Variants in TTBK2 observed in about 807,000 individuals in gnomAD.
TTBK2 encodes tau tubulin kinase 2, also known as tau-tubulin kinase 2.
In TTBK2, 28 loss-of-function variants were observed where a neutral mutation model predicts 110.8. That is an observed-to-expected ratio of 0.25 (90% CI 0.19 to 0.35). The LOEUF (loss-of-function observed/expected upper bound fraction) is 0.35, where lower values mean the gene tolerates loss of function less well. TTBK2 is among the 10% of genes least tolerant of loss of function. The pLI is 1.00. For missense variants in TTBK2, 1,369 were observed against 1,500.3 expected, an observed-to-expected ratio of 0.91 and a Z score of 1.45; for synonymous variants, 532 against 527.3, an observed-to-expected ratio of 1.01 and a Z score of -0.12.
At chr15:42,896,967 C>T (rs1895691559) in intron 1 of TTBK2, among the ~76,000 whole-genome samples, 1 of 151,930 alleles carries the variant, frequency 6.6e-6, no homozygotes, top group Non-Finnish European at 1.5e-5. Context: ...CAACCTCCAC[C>T]TCCCGAGTTC....
At chr15:42,905,209 A>T (rs943675421) in intron 1 of TTBK2, among the ~76,000 whole-genome samples, 4 of 152,156 alleles carry the variant, frequency 2.6e-5, no homozygotes, top group Non-Finnish European at 4.4e-5. Context: ...ATAGATTCAC[A>T]TATACAAATA....
intron 1 of TTBK2, among the ~76,000 whole-genome samples, chr15:42,905,021 G>T (rs964441161): frequency 6.6e-6 from 1 of 151,830 alleles, no homozygotes; most frequent in Non-Finnish European, 1.5e-5. Flanking sequence ...ACAGAAACAT[G>T]CCACCATGCC....
At chr15:42,905,695 G>A (rs2030348505) in intron 1 of TTBK2, among the ~76,000 whole-genome samples, 1 of 152,010 alleles carries the variant, frequency 6.6e-6, no homozygotes, top group Admixed American at 6.6e-5. Context: ...CTAACTCCAG[G>A]AACTCCTCAC....
intron 6 of TTBK2, among the ~76,000 whole-genome samples, chr15:42,820,350 GGATTAGTTCCATGTA>G (rs1892239306): frequency 6.6e-6 from 1 of 152,164 alleles, no homozygotes; most frequent in East Asian, 1.9e-4. Flanking sequence ...GGACAGGTAA[GGATTAGTTCCATGTA>G]GTAGGAGAGA....
intron 3 of TTBK2, among the ~76,000 whole-genome samples, chr15:42,842,826 C>A (rs147823264): frequency 1.3e-3 from 203 of 151,946 alleles, no homozygotes; most frequent in African/African-American, 4.5e-3. Flanking sequence ...TATAAGCTAG[C>A]AAGAATGGGT....
intron 12 of TTBK2, 21 bp from the exon 13 acceptor site, chr15:42,775,744 T>G: frequency 6.3e-7 from 1 of 1,587,924 alleles, no homozygotes; most frequent in Non-Finnish European, 8.6e-7. Flanking sequence ...TGGAAAGAAG[T>G]TACTCAACTG....
At chr15:42,903,248 T>C (rs2030177731) in intron 1 of TTBK2, among the ~76,000 whole-genome samples, 1 of 152,112 alleles carries the variant, frequency 6.6e-6, no homozygotes, top group African/African-American at 2.4e-5. Flanking sequence ...GAAAGTAGAA[T>C]GATGGTTACC....
chr15:42,844,456 A>C (rs530108536), intron 3 of TTBK2, among the ~76,000 whole-genome samples: 152 of 152,228 alleles, frequency 1.0e-3, no homozygotes, highest in African/African-American at 3.6e-3. Flanking sequence ...CTACTCAGGA[A>C]GCTGCAGTGG....
Position 42,817,091 on chromosome 15 carries a change from C to A in TTBK2, c.544G>T (p.Ala182Ser), listed in dbSNP as rs777468335. The change falls in exon 7 of 15, where the codon GCT becomes TCT. Residue 182 changes from alanine (A) to serine (S), a missense_variant. Around this residue, in one of 4 missense-constraint regions of TTBK2, gnomAD observed 138 missense variants for 179.0 expected, o/e 0.77. Transcript: ENST00000267890. ...ACTGTCCCTCGAAAACCTGCCACAG[C>A]TCGAGGCTACAACGAAGCCATGCAA... Reference protein sequence around the residue: ...NSCGDVRPPRAVAGFRGTVRY... With the variant: ...NSCGDVRPPRSVAGFRGTVRY... 1 of 1,607,262 alleles carries A rather than the reference C, an allele frequency of 6.2e-7. No individual in the cohort carries two copies. Among genetic ancestry groups the A allele is most frequent in the Non-Finnish European group, 8.5e-7 (1 of 1,175,924 alleles).
At chr15:42,888,687 T>C (rs1299482797) in intron 1 of TTBK2, among the ~76,000 whole-genome samples, 1 of 152,172 alleles carries the variant, frequency 6.6e-6, no homozygotes, top group African/African-American at 2.4e-5. Context: ...CTGAAAAGTT[T>C]CCTCACTACA....
In TTBK2 at chr15:42,742,827, A is replaced by G. The variant is rs1473941967; in HGVS notation, c.*2968T>C. On this transcript the variant is annotated 3_prime_UTR_variant, in exon 15 of 15. Transcript: ENST00000267890. ...AAATTGGTTTAAAATTACTTGATCTATGTCACTGAAACCTGAAATATGCCA... is the reference window on the plus strand; with the variant it reads ...AAATTGGTTTAAAATTACTTGATCTGTGTCACTGAAACCTGAAATATGCCA... 2 of 152,232 alleles carry G rather than the reference A, an allele frequency of 1.3e-5. No individual in the cohort carries two copies. The highest frequency in any genetic ancestry group is 2.9e-5 in the Non-Finnish European group (2 of 68,040). 9.4% of individuals were successfully genotyped at this position (152,232 alleles called of 1,614,324 possible).
intron 4 of TTBK2, among the ~76,000 whole-genome samples, chr15:42,836,011 C>G (rs187599732): frequency 1.3e-4 from 20 of 152,184 alleles, no homozygotes; most frequent in African/African-American, 4.1e-4. Flanking sequence ...GGTTACAGCA[C>G]TTGAAAAAAT....
chr15:42,813,006 T>A, intron 7 of TTBK2, among the ~76,000 whole-genome samples: 1 of 147,666 alleles, frequency 6.8e-6, no homozygotes, highest in Non-Finnish European at 1.5e-5. Context: ...AATAAGAAAA[T>A]CTAAGAAAGT....
intron 10 of TTBK2, among the ~76,000 whole-genome samples, chr15:42,789,421 T>C (rs1282167438): frequency 1.1e-4 from 16 of 152,170 alleles, no homozygotes; most frequent in Admixed American, 9.8e-4. Context: ...TGGCAAATGA[T>C]AGGATCTCCT....
intron 1 of TTBK2, among the ~76,000 whole-genome samples, chr15:42,885,405 T>C (rs1269645415): frequency 6.6e-6 from 1 of 152,238 alleles, no homozygotes; most frequent in African/African-American, 2.4e-5. Context: ...GGCGTCACCC[T>C]TCAATCTCTC....
intron 1 of TTBK2, among the ~76,000 whole-genome samples, chr15:42,879,591 C>T (rs891895511): frequency 3.3e-5 from 5 of 149,568 alleles, no homozygotes; most frequent in African/African-American, 4.9e-5. Flanking sequence ...AAGCCATACA[C>T]AATTATGTAA....
chr15:42,816,071 A>AAAATAAAT lies in TTBK2; in HGVS notation c.603+953_603+960dup, dbSNP rs1288207934. Among the ~76,000 whole-genome samples, 149 of 86,022 alleles carry AAAATAAAT rather than the reference A, an allele frequency of 1.7e-3. 3 individuals are homozygous for AAAATAAAT. Among genetic ancestry groups the AAAATAAAT allele is most frequent in the African/African-American group, 9.7e-3 (143 of 14,770 alleles). 56.4% of individuals were successfully genotyped at this position (86,022 alleles called of 152,430 possible). A position where few individuals can be genotyped will look rare whatever the true frequency, so the allele number is the denominator to read the frequency against. On this transcript the variant is annotated intron_variant, in intron 7 of 14. Coordinates refer to ENST00000267890, the MANE Select transcript of TTBK2 (RefSeq NM_173500.4). ...CTCTATATAAAAATATATATATATA[A>AAAATAAAT]AAATAAATAAATAAATATATATATA...
chr15:42,857,820 C>T (rs1032976097), intron 3 of TTBK2, among the ~76,000 whole-genome samples: 39 of 152,004 alleles, frequency 2.6e-4, no homozygotes, highest in African/African-American at 9.4e-4. Flanking sequence ...CTGTGGCTCA[C>T]ATCTGTAATC....
intron 3 of TTBK2, 126 bp from the exon 4 acceptor site, chr15:42,840,559 G>A (rs1206530780): frequency 2.2e-6 from 2 of 893,768 alleles, no homozygotes; most frequent in Admixed American, 3.6e-5. Flanking sequence ...CTTAAGGATA[G>A]AAAACTTATA....
Sources: allele counts gnomAD v4.1 joint callset (sites outside exome capture counted in the v4.1 genomes callset), GRCh38; gene constraint gnomAD v4.1.1; regional missense constraint gnomAD v4.1.1; transcripts MANE v1.5; gene names NCBI Gene and HGNC (gene_info 2026-07-23, HGNC 2026-07-21).